HCFC2: variants seen among roughly 807,000 people sequenced by gnomAD.
HCFC2 encodes host cell factor 2.
Under a neutral mutation model 89.2 loss-of-function variants are expected in HCFC2, and 18 were observed. That is an observed-to-expected ratio of 0.20 (90% CI 0.14 to 0.30). HCFC2 has a LOEUF of 0.30. Among genes scored for constraint, HCFC2 ranks in the 10% least tolerant of loss-of-function variants. The pLI, the probability that HCFC2 is intolerant of heterozygous loss-of-function variation, is 1.00. For synonymous variants in HCFC2, 308 were observed against 335.7 expected, an observed-to-expected ratio of 0.92 and a Z score of 0.90; for missense variants, 578 against 956.1, an observed-to-expected ratio of 0.60 and a Z score of 5.21.
At position 104,064,584 on chromosome 12, in the gene HCFC2, C is replaced by T; in HGVS notation, c.24C>T (p.Asn8=). 6.4e-7 allele frequency: 1 copy of T among 1,562,336 alleles called. No individual in the cohort carries two copies. The highest frequency in any genetic ancestry group is 8.6e-7 in the Non-Finnish European group (1 of 1,157,008). Residue 8 remains asparagine, a synonymous_variant, in exon 1 of 15, where the codon AAC becomes AAT. Coordinates refer to ENST00000229330, the MANE Select transcript of HCFC2 (RefSeq NM_013320.3). The surrounding 1 kb of genome is among the most constrained non-coding windows in gnomAD (Gnocchi z 7.3). Reference sequence around the variant, plus strand: ...AGATGGCGGCTCCCAGCCTCCTCAACTGGAGGCGAGTTTCTTCCTTCACGG... The same window carrying T: ...AGATGGCGGCTCCCAGCCTCCTCAATTGGAGGCGAGTTTCTTCCTTCACGG... The part of the protein sequence containing the change: MAAPSLL[N]WRRVSSFTGP...
chr12:104,098,622 T>A, intron 13 of HCFC2, 142 bp downstream of exon 13: 1 of 774,546 alleles, frequency 1.3e-6, no homozygotes, highest in Admixed American at 2.7e-5. Flanking sequence ...CTTGAATGAG[T>A]AAAATTGGGA....
At chr12:104,102,789 G>A (rs1033050827) in intron 14 of HCFC2, among the ~76,000 whole-genome samples, 170 bp from the exon 15 acceptor site, 1 of 152,146 alleles carries the variant, frequency 6.6e-6, no homozygotes, top group Non-Finnish European at 1.5e-5. Context: ...ATTAAACATT[G>A]TAGATCCAAA....
At chr12:104,078,394 T>G (rs962062495) in intron 3 of HCFC2, among the ~76,000 whole-genome samples, 3 of 152,224 alleles carry the variant, frequency 2.0e-5, no homozygotes, top group African/African-American at 7.2e-5. Flanking sequence ...ACTTTGAAGT[T>G]TTATATGTCC....
rs768647176 is a variant in HCFC2, at chr12:104,095,462, C to G, written c.1565C>G (p.Thr522Ser). The change falls in exon 11 of 15, where the codon ACT becomes AGT. Residue 522 changes from threonine to serine, a missense_variant. Coordinates refer to ENST00000229330, the MANE Select transcript of HCFC2 (RefSeq NM_013320.3). The surrounding 1 kb of genome is among the most constrained non-coding windows in gnomAD (Gnocchi z 4.2). ...SVSSTVSSTQ[T>S]MVTQQTIKTE... ...TCCAGTACTGTTTCCAGCACACAAACTATGGTAACCCAGCAGACCATTAAA... is the reference window on the plus strand; with the variant it reads ...TCCAGTACTGTTTCCAGCACACAAAGTATGGTAACCCAGCAGACCATTAAA... The G allele has an allele frequency of 5.0e-6, 8 of 1,613,566 alleles. No homozygotes were observed. The highest frequency in any genetic ancestry group is 6.8e-6 in the Non-Finnish European group (8 of 1,179,732).
chr12:104,095,456 C>T lies in HCFC2; in HGVS notation c.1559C>T (p.Thr520Ile), dbSNP rs958006262. ...ETSVSSTVSS[T>I]QTMVTQQTIK... ...TCTGTATCCAGTACTGTTTCCAGCACACAAACTATGGTAACCCAGCAGACC... is the reference window on the plus strand; with the variant it reads ...TCTGTATCCAGTACTGTTTCCAGCATACAAACTATGGTAACCCAGCAGACC... The change falls in exon 11 of 15, where the codon ACA becomes ATA. Residue 520 changes from threonine to isoleucine, a missense_variant. Thr to Ile is a moderately conservative substitution (Grantham distance 89). This residue lies in a region of HCFC2 where 210 missense variants were observed against 251.7 expected (regional missense o/e 0.83). Transcript: ENST00000229330. This position sits in a 1 kb window ranked among gnomAD's most constrained non-coding sequence, Gnocchi z 4.2. The T allele has an allele frequency of 5.6e-6, 9 of 1,613,604 alleles. No individual in the cohort carries two copies. The highest frequency in any genetic ancestry group is 8.5e-7 in the Non-Finnish European group (1 of 1,179,740).
At chr12:104,090,297 GAA>G (rs1393848139) in intron 9 of HCFC2, among the ~76,000 whole-genome samples, 1 of 152,090 alleles carries the variant, frequency 6.6e-6, no homozygotes, top group East Asian at 1.9e-4. Flanking sequence ...TGTTGGTATT[GAA>G]AAGTGTGATG....
At chr12:104,084,766 G>A (rs1425919347) in intron 7 of HCFC2, among the ~76,000 whole-genome samples, 1 of 152,230 alleles carries the variant, frequency 6.6e-6, no homozygotes, top group Non-Finnish European at 1.5e-5. Flanking sequence ...TTAGACTATA[G>A]TGGTGACAAT....
At chr12:104,087,872 C>T in intron 8 of HCFC2, 114 bp from the exon 9 acceptor site, 1 of 506,806 alleles carries the variant, frequency 2.0e-6, no homozygotes, top group South Asian at 7.3e-5. Flanking sequence ...AACATATAAC[C>T]TTTGGTAAAG....
At chr12:104,080,882 A>G (rs746114292) in intron 5 of HCFC2, 52 bp downstream of exon 5, 3 of 1,154,300 alleles carry the variant, frequency 2.6e-6, no homozygotes, top group African/African-American at 3.1e-5. Flanking sequence ...AAACAACTTA[A>G]GAAGCACACA....
At chr12:104,086,478 C>T (rs1160729007) in intron 7 of HCFC2, among the ~76,000 whole-genome samples, 1 of 151,958 alleles carries the variant, frequency 6.6e-6, no homozygotes, top group Non-Finnish European at 1.5e-5. Context: ...TCTCCCCAGC[C>T]TCCCCCCAAA....
Position 104,095,622 on chromosome 12 carries a change from A to G in HCFC2, c.1666+59A>G, listed in dbSNP as rs1884155671. The G allele has an allele frequency of 1.5e-6, 2 of 1,367,584 alleles. No homozygotes were observed. Among genetic ancestry groups the G allele is most frequent in the Non-Finnish European group, 2.0e-6 (2 of 980,462 alleles). The allele number at this position is 1,367,584 out of a possible 1,614,324, so 84.7% of individuals were successfully genotyped here. On this transcript the variant is annotated intron_variant, in intron 11 of 14. Coordinates refer to ENST00000229330, the MANE Select transcript of HCFC2 (RefSeq NM_013320.3). The surrounding 1 kb of genome is among the most constrained non-coding windows in gnomAD (Gnocchi z 4.2). ...CCATTTATGTATATAAATTCATCAA[A>G]CTTACTTGTCTTAGATGGGAGTTGC...
At chr12:104,075,452 C>T (rs1347887590) in intron 3 of HCFC2, among the ~76,000 whole-genome samples, 6 of 125,188 alleles carry the variant, frequency 4.8e-5, no homozygotes, top group African/African-American at 1.5e-4. Context: ...ACTTTTGTTC[C>T]TAACCTTTTT....
chr12:104,065,861 T>C (rs1428096736), intron 1 of HCFC2, among the ~76,000 whole-genome samples: 2 of 152,150 alleles, frequency 1.3e-5, no homozygotes, highest in Non-Finnish European at 2.9e-5. Flanking sequence ...AGATCAGGGT[T>C]TTTCAACAGC....
At chr12:104,080,266 A>G (rs936289181) in intron 4 of HCFC2, among the ~76,000 whole-genome samples, 5 of 152,218 alleles carry the variant, frequency 3.3e-5, no homozygotes, top group African/African-American at 1.2e-4. Flanking sequence ...AGATTTATTT[A>G]GGACCTCCCC....
rs964958228 is a variant in HCFC2, at chr12:104,103,837, G to A, written c.*564G>A. The stretch of plus-strand genomic sequence containing the variant: ...CAGAGCTTAAGAAATTAAAAAAGAG[G>A]CAAGTTTAGAAACTGCTTTTGAACT... On this transcript the variant is annotated 3_prime_UTR_variant, in exon 15 of 15. Transcript: ENST00000229330. 2 of 152,018 alleles carry A rather than the reference G, an allele frequency of 1.3e-5. No individual in the cohort carries two copies. The highest frequency in any genetic ancestry group is 2.9e-5 in the Non-Finnish European group (2 of 67,936). The allele number at this position is 152,018 out of a possible 1,614,324, so 9.4% of individuals were successfully genotyped here. A position where few individuals can be genotyped will look rare whatever the true frequency, so the allele number is the denominator to read the frequency against.
intron 3 of HCFC2, among the ~76,000 whole-genome samples, chr12:104,077,483 A>T (rs1883533594): frequency 6.7e-6 from 1 of 149,654 alleles, no homozygotes; most frequent in African/African-American, 2.5e-5. Flanking sequence ...ACCTCAGGTG[A>T]TCTGCCCGCC....
At position 104,106,371 on chromosome 12, in the gene HCFC2, A is replaced by G. The variant is rs771882654; in HGVS notation, c.*3098A>G. On this transcript the variant is annotated 3_prime_UTR_variant, in exon 15 of 15. Transcript: ENST00000229330. ...TATTTAAAATTATTGTAGTCATTTG[A>G]TCATAAATGAAGTAGCTTGCAAAAT... is the stretch of plus-strand genomic sequence containing the variant. The G allele has an allele frequency of 5.3e-5, 8 of 152,150 alleles. No homozygotes were observed. Among genetic ancestry groups the G allele is most frequent in the Non-Finnish European group, 1.0e-4 (7 of 67,976 alleles). 9.4% of individuals were successfully genotyped at this position (152,150 alleles called of 1,614,324 possible). A position where few individuals can be genotyped will look rare whatever the true frequency, so the allele number is the denominator to read the frequency against.
rs770461805 is a variant in HCFC2 at position 104,102,952 on chromosome 12, C to A, written c.2065-7C>A. On this transcript the variant is annotated splice_polypyrimidine_tract_variant and splice_region_variant and intron_variant, in intron 14 of 14. Coordinates refer to ENST00000229330, the MANE Select transcript of HCFC2 (RefSeq NM_013320.3). ...CCTTTAACCTGTTTTTTCCCCCCCC[C>A]TTCAAGAATGTTGAAGGTATCCACC... 5 of 1,595,018 alleles carry A rather than the reference C, an allele frequency of 3.1e-6. No individual in the cohort carries two copies. In the South Asian group the frequency reaches 4.5e-5, roughly 14 times the overall value.
rs1243176947 is a variant in HCFC2, at chr12:104,095,412, A to G, written c.1515A>G (p.Arg505=). 6.2e-7 allele frequency: 1 copy of G among 1,613,774 alleles called. No individual in the cohort carries two copies. The highest frequency in any genetic ancestry group is 8.5e-7 in the Non-Finnish European group (1 of 1,179,784). Residue 505 remains arginine (R), a synonymous_variant, in exon 11 of 15, where the codon AGA becomes AGG. Coordinates refer to ENST00000229330, the MANE Select transcript of HCFC2 (RefSeq NM_013320.3). The surrounding 1 kb of genome is among the most constrained non-coding windows in gnomAD (Gnocchi z 4.2). The stretch of plus-strand genomic sequence containing the variant: ...TTCTAAGTAGTTGCCTGGATGTAAG[A>G]ACAGTAATTCCTGAAACATCTGTAT... The part of the protein sequence containing the change: ...VGVLSSCLDV[R]TVIPETSVSS...
Sources: allele counts gnomAD v4.1 joint callset (sites outside exome capture counted in the v4.1 genomes callset), GRCh38; gene constraint gnomAD v4.1.1; regional missense constraint gnomAD v4.1.1; non-coding constraint Gnocchi (gnomAD v3.1); transcripts MANE v1.5; gene names NCBI Gene and HGNC (gene_info 2026-07-23, HGNC 2026-07-21).